PRH1: variants seen among roughly 807,000 people sequenced by gnomAD.
PRH1 encodes proline rich protein HaeIII subfamily 1.
Under a neutral mutation model 7.9 loss-of-function variants are expected in PRH1, and 7 were observed. The ratio of observed to expected loss-of-function variants is 0.89; its 90% CI spans 0.50 to 1.67. The LOEUF is 1.67. PRH1 is among the 40% of genes most tolerant of loss of function. The probability of loss-of-function intolerance (pLI) is 0.00; values close to 1 mark genes in which losing one functional copy is unlikely to be tolerated. For synonymous variants in PRH1, 45 were observed against 80.8 expected (o/e 0.56, Z 2.38); for missense variants, 109 against 223.6 (o/e 0.49, Z 3.27).
At position 11,086,797 on chromosome 12, in the gene PRH1, C is replaced by T. The variant is rs115676552; in HGVS notation, n.124-39609G>A. Among the ~76,000 whole-genome samples the T allele has an allele frequency of 6.1e-3, 698 of 113,638 alleles. 160 individuals carry two copies. The highest frequency in any genetic ancestry group is 0.02 in the African/African-American group (660 of 33,816). The allele number at this position is 113,638 out of a possible 152,430, so 74.6% of individuals were successfully genotyped here. A position where few individuals can be genotyped will look rare whatever the true frequency, so the allele number is the denominator to read the frequency against. ...GGTGTGGTGGCACATGCATAAAATC[C>T]CAGCTACTCAGGTGGCTGTGGCAGA... On this transcript the variant is annotated intron_variant and non_coding_transcript_variant, in intron 1 of 4. Coordinates refer to the PRH1 transcript ENST00000541977.
rs189702361 is a variant in PRH1 at position 11,074,846 on chromosome 12, C to A, written n.124-27658G>T. Among the ~76,000 whole-genome samples the A allele has an allele frequency of 2.7e-3, 363 of 133,626 alleles. 35 individuals carry two copies. Among genetic ancestry groups the A allele is most frequent in the Non-Finnish European group, 4.0e-3 (234 of 58,898 alleles). 87.7% of individuals were successfully genotyped at this position (133,626 alleles called of 152,430 possible). A position where few individuals can be genotyped will look rare whatever the true frequency, so the allele number is the denominator to read the frequency against. On this transcript the variant is annotated intron_variant and non_coding_transcript_variant, in intron 1 of 4. Coordinates refer to the PRH1 transcript ENST00000541977. Reference sequence around the variant, plus strand: ...GATACATTCTCCCTTTTCTCTCTTCCATGGACTAATATTTGCTGTGGTTTC... The same window carrying A: ...GATACATTCTCCCTTTTCTCTCTTCAATGGACTAATATTTGCTGTGGTTTC...
intron 1 of PRH1, among the ~76,000 whole-genome samples, chr12:10,993,013 G>A (rs1940018441): frequency 6.6e-6 from 1 of 152,176 alleles, no homozygotes; most frequent in East Asian, 1.9e-4. Context: ...AAACTCAAAA[G>A]TTCCAGGAGG....
chr12:11,072,608 A>G (rs764295172), intron 1 of PRH1, among the ~76,000 whole-genome samples: 7 of 152,222 alleles, frequency 4.6e-5, no homozygotes, highest in Non-Finnish European at 8.8e-5. Context: ...TAGTCTTTTT[A>G]CATCCCTCTC....
chr12:11,104,155 G>A (rs941203637), intron 1 of PRH1, among the ~76,000 whole-genome samples: 4 of 126,860 alleles, frequency 3.2e-5, no homozygotes, highest in Admixed American at 9.2e-5. Context: ...AAGATACTTC[G>A]CACAGATAAG....
intron 1 of PRH1, among the ~76,000 whole-genome samples, chr12:10,981,895 A>G (rs7137639): frequency 0.21 from 30,993 of 146,568 alleles, 3,855 homozygotes; most frequent in Non-Finnish European, 0.27. Flanking sequence ...GATTCTTACT[A>G]TGTTGCCAAG....
intron 2 of PRH1, chr12:10,909,167 G>C: frequency 1.9e-6 from 3 of 1,613,876 alleles, no homozygotes; most frequent in Non-Finnish European, 2.5e-6. Context: ...GGAGTTTATC[G>C]ACTGAGGACA....
chr12:10,975,616 CAA>C (rs1235532837), intron 1 of PRH1, among the ~76,000 whole-genome samples: 3 of 151,994 alleles, frequency 2.0e-5, no homozygotes, highest in Non-Finnish European at 4.4e-5. Flanking sequence ...AGTTAAAGAG[CAA>C]AGAGTGGCAG....
chr12:10,997,239 C>T, intron 1 of PRH1: 1 of 1,614,012 alleles, frequency 6.2e-7, no homozygotes, highest in Non-Finnish European at 8.5e-7. Flanking sequence ...GATCCTTTGC[C>T]ATGGAGCTGC....
intron 1 of PRH1, chr12:11,133,297 C>A: frequency 1.2e-6 from 2 of 1,609,756 alleles, no homozygotes; most frequent in Non-Finnish European, 1.7e-6. Context: ...AGAAGACACA[C>A]AATGCCCCTC....
At chr12:11,117,199 TAAAC>T (rs752504197), downstream of PRH1, among the ~76,000 whole-genome samples, 60 of 152,176 alleles carry the variant, frequency 3.9e-4, no homozygotes, top group Middle Eastern at 3.4e-3. Flanking sequence ...TTAGAATTGA[TAAAC>T]AAACTCAGTA....
chr12:11,153,094 A>C (rs1230881272), intron 1 of PRH1, among the ~76,000 whole-genome samples: 1 of 152,244 alleles, frequency 6.6e-6, no homozygotes, highest in Non-Finnish European at 1.5e-5. Context: ...GATCACTTAC[A>C]AAATAACTTA....
intron 1 of PRH1, among the ~76,000 whole-genome samples, chr12:11,067,115 CAGTG>C (rs1943854804): frequency 6.6e-6 from 1 of 151,328 alleles, no homozygotes; most frequent in Non-Finnish European, 1.5e-5. Context: ...TTTACTATAG[CAGTG>C]AAAGTAGCAT....
chr12:11,143,392 T>C (rs1223909618), intron 1 of PRH1, among the ~76,000 whole-genome samples: 1 of 152,004 alleles, frequency 6.6e-6, no homozygotes, highest in African/African-American at 2.4e-5. Flanking sequence ...AGCAAGAAAC[T>C]ATATCATATC....
chr12:10,930,232 C>T (rs117728665), intron 2 of PRH1: 8 of 1,604,868 alleles, frequency 5.0e-6, no homozygotes, highest in Non-Finnish European at 6.8e-6. Flanking sequence ...ATGATTCATG[C>T]AGTAACTTTT....
At chr12:11,013,314 T>C (rs1224487051) in intron 1 of PRH1, among the ~76,000 whole-genome samples, 1 of 152,146 alleles carries the variant, frequency 6.6e-6, no homozygotes, top group Admixed American at 6.6e-5. Flanking sequence ...TGATGGTAAT[T>C]GATTTCAAAA....
chr12:11,091,826 C>A, intron 1 of PRH1: 4 of 1,503,234 alleles, frequency 2.7e-6, no homozygotes, highest in Non-Finnish European at 3.7e-6. Flanking sequence ...TAGCAAAGGC[C>A]CCAACAACAT....
chr12:11,058,100 G>A (rs1203732149), intron 1 of PRH1, among the ~76,000 whole-genome samples: 2 of 152,304 alleles, frequency 1.3e-5, no homozygotes, highest in African/African-American at 2.4e-5. Flanking sequence ...GCCAGGCAAG[G>A]TGGTGTGTCC....
intron 1 of PRH1, among the ~76,000 whole-genome samples, chr12:11,167,513 C>T (rs895258258): frequency 2.7e-5 from 4 of 150,472 alleles, no homozygotes; most frequent in Non-Finnish European, 5.9e-5. Flanking sequence ...GGCCCCATCT[C>T]GGCTCACTGC....
At chr12:10,909,552 C>A (rs899697146) in intron 2 of PRH1, 1 of 420,188 alleles carries the variant, frequency 2.4e-6, no homozygotes, top group East Asian at 3.5e-5. Flanking sequence ...TATGTCTTCA[C>A]CATGGGCAGA....
Sources: allele counts gnomAD v4.1 joint callset (sites outside exome capture counted in the v4.1 genomes callset), GRCh38; gene constraint gnomAD v4.1.1; transcripts MANE v1.5; gene names NCBI Gene and HGNC (gene_info 2026-07-23, HGNC 2026-07-21).